The following MAPKAP1 variants were observed in gnomAD, a reference collection of about 807,000 sequenced individuals.
MAPKAP1 encodes target of rapamycin complex 2 subunit MAPKAP1.
Under a neutral mutation model 65.7 loss-of-function variants are expected in MAPKAP1, and 20 were observed. The observed-to-expected ratio is 0.30, with a 90% CI of 0.21 to 0.44. The LOEUF (loss-of-function observed/expected upper bound fraction) is 0.44, where lower values mean the gene tolerates loss of function less well. MAPKAP1 is among the 20% of genes least tolerant of loss of function. The pLI, the probability that MAPKAP1 is intolerant of heterozygous loss-of-function variation, is 1.00. For synonymous variants in MAPKAP1, 222 were observed against 244.3 expected (o/e 0.91, Z 0.85); for missense variants, 423 against 648.0 (o/e 0.65, Z 3.77).
intron 1 of MAPKAP1, among the ~76,000 whole-genome samples, chr9:125,676,504 G>GGGT (rs1834648254): frequency 6.6e-6 from 1 of 151,724 alleles, no homozygotes; most frequent in African/African-American, 2.4e-5. Flanking sequence ...ATTACGCTAA[G>GGGT]TGAAATAAGC....
chr9:125,543,307 C>T (rs1830311731), intron 6 of MAPKAP1, 139 bp from the exon 7 acceptor site: 1 of 616,720 alleles, frequency 1.6e-6, no homozygotes, highest in South Asian at 1.9e-5. Flanking sequence ...CGCTCTGTCA[C>T]CCAGGCTGGA....
chr9:125,441,491 G>A (rs1852482954), intron 11 of MAPKAP1, among the ~76,000 whole-genome samples: 1 of 152,210 alleles, frequency 6.6e-6, no homozygotes, highest in Non-Finnish European at 1.5e-5. Flanking sequence ...TGTAGCTGGT[G>A]TTCAATAAAT....
chr9:125,470,508 C>T (rs7872555), intron 9 of MAPKAP1, among the ~76,000 whole-genome samples: 7,119 of 152,266 alleles, frequency 0.047, 523 homozygotes, highest in African/African-American at 0.16. Flanking sequence ...AACAGACTCT[C>T]GTCCTCTTTC....
At chr9:125,511,823 C>T (rs1829310187) in intron 7 of MAPKAP1, among the ~76,000 whole-genome samples, 1 of 152,210 alleles carries the variant, frequency 6.6e-6, no homozygotes, top group African/African-American at 2.4e-5. Context: ...GCCGCATACC[C>T]TCCATTTCAC....
At chr9:125,440,637 C>A (rs1475533516) in intron 11 of MAPKAP1, among the ~76,000 whole-genome samples, 1 of 152,192 alleles carries the variant, frequency 6.6e-6, no homozygotes, top group Non-Finnish European at 1.5e-5. Flanking sequence ...GAGGCTTCAA[C>A]ACTGTCCCTC....
intron 3 of MAPKAP1, among the ~76,000 whole-genome samples, chr9:125,659,567 CT>C (rs1221296467): frequency 6.6e-6 from 1 of 152,052 alleles, no homozygotes; most frequent in Non-Finnish European, 1.5e-5. Context: ...CTGCCCTTAC[CT>C]TAGGCCAGCC....
At chr9:125,522,009 C>T (rs892627690) in intron 7 of MAPKAP1, among the ~76,000 whole-genome samples, 10 of 152,210 alleles carry the variant, frequency 6.6e-5, no homozygotes, top group African/African-American at 1.2e-4. Context: ...CTGTTAAATG[C>T]GGATAATACA....
At chr9:125,698,302 T>TATATAAA (rs1564622426) in intron 1 of MAPKAP1, among the ~76,000 whole-genome samples, 16 of 21,856 alleles carry the variant, frequency 7.3e-4, no homozygotes, top group African/African-American at 2.5e-3. Flanking sequence ...TATATATATA[T>TATATAAA]ATATATATAT....
chr9:125,703,704 A>T (rs1257995282), intron 1 of MAPKAP1, among the ~76,000 whole-genome samples: 1 of 151,420 alleles, frequency 6.6e-6, no homozygotes, highest in Non-Finnish European at 1.5e-5. Flanking sequence ...CCCAGGAGGC[A>T]GAGGTTGCAG....
intron 4 of MAPKAP1, among the ~76,000 whole-genome samples, chr9:125,600,783 T>C (rs1157251658): frequency 6.6e-6 from 1 of 152,214 alleles, no homozygotes; most frequent in Non-Finnish European, 1.5e-5. Context: ...TCTTCAAGCA[T>C]GTAAAATGTC....
At chr9:125,546,541 C>T (rs1830431278) in intron 6 of MAPKAP1, among the ~76,000 whole-genome samples, 1 of 152,190 alleles carries the variant, frequency 6.6e-6, no homozygotes, top group Non-Finnish European at 1.5e-5. Flanking sequence ...AGACTTGCCA[C>T]CACAATTTTC....
At chr9:125,464,201 TA>T (rs1853596293) in intron 10 of MAPKAP1, among the ~76,000 whole-genome samples, 1 of 80,288 alleles carries the variant, frequency 1.2e-5, no homozygotes, top group Non-Finnish European at 2.4e-5. Context: ...CTGTCTCATA[TA>T]TTAAAAAAAA....
intron 1 of MAPKAP1, among the ~76,000 whole-genome samples, chr9:125,678,225 G>A (rs1289986823): frequency 6.6e-6 from 1 of 151,532 alleles, no homozygotes; most frequent in Non-Finnish European, 1.5e-5. Flanking sequence ...GCCAACACAG[G>A]CATTTTTATT....
At chr9:125,498,878 C>T (rs960495208) in intron 8 of MAPKAP1, among the ~76,000 whole-genome samples, 2 of 152,186 alleles carry the variant, frequency 1.3e-5, no homozygotes, top group African/African-American at 4.8e-5. Flanking sequence ...CATACATCTC[C>T]TCGAGGGCTC....
chr9:125,470,093 G>A (rs759736846), intron 9 of MAPKAP1, among the ~76,000 whole-genome samples: 103 of 152,160 alleles, frequency 6.8e-4, no homozygotes, highest in Non-Finnish European at 1.2e-3. Flanking sequence ...CCAGAGACAT[G>A]GTTTTAAAAT....
chr9:125,681,083 A>G (rs1359554370), intron 1 of MAPKAP1, among the ~76,000 whole-genome samples: 1 of 152,224 alleles, frequency 6.6e-6, no homozygotes, highest in East Asian at 1.9e-4. Flanking sequence ...AGATCTAAAA[A>G]CAAACAAAAC....
intron 1 of MAPKAP1, among the ~76,000 whole-genome samples, chr9:125,703,807 C>T (rs1263566595): frequency 1.3e-5 from 2 of 151,356 alleles, no homozygotes; most frequent in African/African-American, 4.8e-5. Flanking sequence ...GACAGAAGTC[C>T]TTGTCATATA....
chr9:125,657,954 T>C (rs570869805), intron 3 of MAPKAP1, among the ~76,000 whole-genome samples, 155 bp from the exon 4 acceptor site: 1 of 151,922 alleles, frequency 6.6e-6, no homozygotes, highest in African/African-American at 2.4e-5. Flanking sequence ...TACCGTGCAC[T>C]GAAAAGGCAG....
At chr9:125,573,512 AG>A (rs1831302676) in intron 5 of MAPKAP1, among the ~76,000 whole-genome samples, 2 of 152,338 alleles carry the variant, frequency 1.3e-5, no homozygotes, top group African/African-American at 4.8e-5. Context: ...GCAGCCCCAA[AG>A]GGTTGGCTAT....
Sources: allele counts gnomAD v4.1 joint callset (sites outside exome capture counted in the v4.1 genomes callset), GRCh38; gene constraint gnomAD v4.1.1; transcripts MANE v1.5; gene names NCBI Gene and HGNC (gene_info 2026-07-23, HGNC 2026-07-21).